Variants in ZNF544 observed in about 807,000 individuals in gnomAD.
ZNF544 encodes the protein zinc finger protein AF020591.
ZNF544 carries 10 observed loss-of-function variants against 13.5 expected under a neutral mutation model. The observed-to-expected ratio is 0.74, with a 90% CI of 0.46 to 1.25. The LOEUF (loss-of-function observed/expected upper bound fraction) is 1.25. ZNF544 is among the 50% of genes most tolerant of loss of function. ZNF544 has a pLI of 0.00. For missense variants in ZNF544, 896 were observed against 845.6 expected, an observed-to-expected ratio of 1.06 and a Z score of -0.74; for synonymous variants, 323 against 300.5, an observed-to-expected ratio of 1.07 and a Z score of -0.77.
At chr19:58,277,068 T>A in intron 6 of ZNF544, 1 of 613,206 alleles carries the variant, frequency 1.6e-6, no homozygotes, top group East Asian at 3.5e-5. Context: ...GCATTTAGCC[T>A]AAGTGACTCT....
chr19:58,239,796 G>A (rs2146763931), intron 3 of ZNF544, among the ~76,000 whole-genome samples: 1 of 152,164 alleles, frequency 6.6e-6, no homozygotes, highest in African/African-American at 2.4e-5. Flanking sequence ...TTACTTGGGA[G>A]GCTGAGACAG....
chr19:58,275,284 G>T (rs563219664), intron 5 of ZNF544, among the ~76,000 whole-genome samples: 4 of 152,010 alleles, frequency 2.6e-5, no homozygotes, highest in African/African-American at 9.7e-5. Flanking sequence ...ATTCTTTCCT[G>T]TGATGGCTTC....
At position 58,273,216 on chromosome 19, in the gene ZNF544, A is replaced by G. The variant is rs566191273; in HGVS notation, c.245-3107A>G. ...AAGAAGAAAGAAACCAAAAAAGTAG[A>G]AAATCATATTATCATATACTTTAAT... On this transcript the variant is annotated intron_variant, in intron 5 of 6. Coordinates refer to the ZNF544 transcript ENST00000595981. Among the ~76,000 whole-genome samples the G allele has an allele frequency of 1.4e-4, 22 of 152,226 alleles. No homozygotes were observed. In the East Asian group the frequency reaches 2.7e-3, roughly 19 times the overall value.
At chr19:58,257,501 C>G (rs149255897) in intron 6 of ZNF544, 1 of 152,198 alleles carries the variant, frequency 6.6e-6, no homozygotes, top group Non-Finnish European at 1.5e-5. Context: ...TACAAAGTTA[C>G]GCTCTATGCA....
At chr19:58,237,826 C>T (rs1056881213) in intron 3 of ZNF544, among the ~76,000 whole-genome samples, 4 of 152,200 alleles carry the variant, frequency 2.6e-5, no homozygotes, top group African/African-American at 9.7e-5. Context: ...CAGCAAGGTG[C>T]GGAGCCACCC....
At chr19:58,231,457 G>A (rs995478659) in intron 3 of ZNF544, among the ~76,000 whole-genome samples, 1 of 152,218 alleles carries the variant, frequency 6.6e-6, no homozygotes. Context: ...CTGGCCTGTA[G>A]GAAGTACAGC....
intron 3 of ZNF544, among the ~76,000 whole-genome samples, chr19:58,241,192 T>G (rs1418740152): frequency 1.5e-5 from 2 of 130,956 alleles, no homozygotes; most frequent in Non-Finnish European, 3.1e-5. Context: ...TTTTTTTTTT[T>G]GTAGAGATAG....
chr19:58,246,248 G>C, intron 4 of ZNF544, 53 bp from the exon 5 acceptor site: 1 of 1,611,744 alleles, frequency 6.2e-7, no homozygotes, highest in Non-Finnish European at 8.5e-7. Context: ...AGGTACCTCC[G>C]TGAGGGCATG....
intron 5 of ZNF544, among the ~76,000 whole-genome samples, chr19:58,274,645 A>G (rs2051079250): frequency 6.6e-6 from 1 of 152,188 alleles, no homozygotes; most frequent in African/African-American, 2.4e-5. Context: ...GACTAATACA[A>G]CATATTTTTT....
Position 58,262,906 on chromosome 19 carries a change from G to C in ZNF544, c.*152G>C. On this transcript the variant is annotated 3_prime_UTR_variant, in exon 7 of 7. Transcript: ENST00000687789. ...ATCAGAGGACATATCCTGGAGAAAA[G>C]CCCTACGAATGCATTGATTGTGGGA... is the stretch of plus-strand genomic sequence containing the variant. 2 of 1,462,506 alleles carry C rather than the reference G, an allele frequency of 1.4e-6. No individual in the cohort carries two copies. The highest frequency in any genetic ancestry group is 1.8e-6 in the Non-Finnish European group (2 of 1,113,882). 90.6% of individuals were successfully genotyped at this position (1,462,506 alleles called of 1,614,324 possible).
At chr19:58,260,403 AG>A (rs1452464780) in intron 6 of ZNF544, 4 of 152,402 alleles carry the variant, frequency 2.6e-5, no homozygotes, top group African/African-American at 9.7e-5. Context: ...CGGCCTCCCG[AG>A]GAGCTTAGAC....
intron 3 of ZNF544, among the ~76,000 whole-genome samples, chr19:58,239,228 T>C (rs1308283618): frequency 1.3e-5 from 2 of 152,166 alleles, no homozygotes; most frequent in African/African-American, 2.4e-5. Context: ...CAGTCAGCAT[T>C]TGGGGCCAGA....
chr19:58,244,349 G>C (rs1311787514), intron 4 of ZNF544, among the ~76,000 whole-genome samples: 1 of 151,784 alleles, frequency 6.6e-6, no homozygotes, highest in African/African-American at 2.4e-5. Flanking sequence ...CTTGAGGGTG[G>C]ATGGAGCTAG....
chr19:58,262,638 C>T lies in ZNF544; in HGVS notation c.2032C>T (p.His678Tyr), dbSNP rs141012626. 55 of 1,614,004 alleles carry T rather than the reference C, an allele frequency of 3.4e-5. No individual in the cohort carries two copies. Among genetic ancestry groups the T allele is most frequent in the African/African-American group, 5.3e-5 (4 of 74,912 alleles). Residue 678 changes from histidine to tyrosine, a missense_variant, in exon 7 of 7, where the codon CAT (histidine) becomes TAT (tyrosine). By Grantham distance (83) the His-to-Tyr change is moderately conservative. Coordinates refer to ENST00000687789, the MANE Select transcript of ZNF544 (RefSeq NM_014480.4). ...TTCAGGGAGCTCTAACCTTCTTTCC[C>T]ATCACAGAATTCATTCTGGAGAGAA... ...AFSGSSNLLSHHRIHSGEKPY... is the reference protein window; with the variant it reads ...AFSGSSNLLSYHRIHSGEKPY...
In ZNF544 at chr19:58,244,065, G is replaced by A. The variant is rs753998270; in HGVS notation, c.33+9G>A. On this transcript the variant is annotated intron_variant, in intron 4 of 6. Transcript: ENST00000687789. The stretch of plus-strand genomic sequence containing the variant: ...TGCTGGTTCCACCCCAGGTGAGTGG[G>A]GGGTCTTTGCTCTCAGTGCCTTGGT... 1 of 1,606,068 alleles carries A rather than the reference G, an allele frequency of 6.2e-7. No individual in the cohort carries two copies. Among genetic ancestry groups the A allele is most frequent in the Non-Finnish European group, 8.5e-7 (1 of 1,176,002 alleles).
At chr19:58,255,663 T>C (rs2047145961) in intron 6 of ZNF544, among the ~76,000 whole-genome samples, 1 of 152,216 alleles carries the variant, frequency 6.6e-6, no homozygotes, top group African/African-American at 2.4e-5. Flanking sequence ...AGATACATTA[T>C]CTTTTGCCCT....
At chr19:58,255,915 C>A (rs2047217567) in intron 6 of ZNF544, among the ~76,000 whole-genome samples, 1 of 152,174 alleles carries the variant, frequency 6.6e-6, no homozygotes, top group South Asian at 2.1e-4. Flanking sequence ...CCTCAGTTAC[C>A]AAGGAACTAG....
At chr19:58,274,066 T>C (rs895110259) in intron 5 of ZNF544, among the ~76,000 whole-genome samples, 1 of 152,296 alleles carries the variant, frequency 6.6e-6, no homozygotes, top group African/African-American at 2.4e-5. Context: ...AGTGCTGGGA[T>C]TACAAGTGTG....
At chr19:58,277,349 T>A (rs954364015) in exon 7 of ZNF544, 19 of 937,898 alleles carry the variant, frequency 2.0e-5, no homozygotes, top group Non-Finnish European at 2.6e-5. Flanking sequence ...TCTTCACCCC[T>A]TCAACACGGT....
Sources: gnomAD v4.1 joint callset for allele counts (sites outside exome capture counted in the v4.1 genomes callset) on GRCh38, gnomAD v4.1.1 for gene constraint, MANE v1.5 for transcripts, NCBI Gene and HGNC (gene_info 2026-07-23, HGNC 2026-07-21) for gene names.